SV2B: variants seen among roughly 807,000 people sequenced by gnomAD.
SV2B encodes the protein synaptic vesicle glycoprotein 2B.
A neutral mutation model predicts 73.9 loss-of-function variants in SV2B; 41 were observed. The ratio of observed to expected loss-of-function variants is 0.56; its 90% confidence interval spans 0.43 to 0.72. The LOEUF (loss-of-function observed/expected upper bound fraction) is 0.72, where lower values mean the gene tolerates loss of function less well. SV2B is among the 30% of genes least tolerant of loss of function. The pLI is 0.00. For missense variants in SV2B, 764 were observed against 857.8 expected, an observed-to-expected ratio of 0.89 and a Z score of 1.37; for synonymous variants, 314 against 314.2, an observed-to-expected ratio of 1.00 and a Z score of 0.01.
rs1373398242 is a variant in SV2B at position 91,298,796 on chromosome 15, C to A, written c.*6244C>A. ...TCCTCTACCAAAGTTAATGTGGTCA[C>A]CACATTTGATGATTTTGCTAGGTAG... On this transcript the variant is annotated 3_prime_UTR_variant, in exon 13 of 13. Transcript: ENST00000394232. This position sits in a 1 kb window ranked among gnomAD's most constrained non-coding sequence, Gnocchi z 5.4. 6.6e-6 allele frequency: 1 copy of A among 152,150 alleles called. No homozygotes were observed. The highest frequency in any genetic ancestry group is 1.5e-5 in the Non-Finnish European group (1 of 68,038). 9.4% of individuals were successfully genotyped at this position (152,150 alleles called of 1,614,324 possible).
chr15:91,245,030 AAAG>A lies in SV2B; in HGVS notation c.452-6785_452-6783del, dbSNP rs2047168675. ...ATTTGTCTTTGGTTAATTGCTAAATAAAGAAGCTCACCCAGTCAGGGCCTCTTC... is the reference window on the plus strand; with the variant it reads ...ATTTGTCTTTGGTTAATTGCTAAATAAAGCTCACCCAGTCAGGGCCTCTTC... On this transcript the variant is annotated intron_variant, in intron 2 of 12. Transcript: ENST00000394232. This position sits in a 1 kb window ranked among gnomAD's most constrained non-coding sequence, Gnocchi z 4.2. 6.6e-6 allele frequency among the ~76,000 whole-genome samples: 1 copy of A among 152,264 alleles called. No individual in the cohort carries two copies.
chr15:91,127,851 A>G (rs989855045), intron 1 of SV2B, among the ~76,000 whole-genome samples: 43 of 152,156 alleles, frequency 2.8e-4, no homozygotes, highest in African/African-American at 1.0e-3. Flanking sequence ...TTTCTGTGCT[A>G]ATTTTGCAAA....
intron 4 of SV2B, among the ~76,000 whole-genome samples, chr15:91,257,991 C>T (rs903291957): frequency 1.3e-5 from 2 of 152,198 alleles, no homozygotes; most frequent in African/African-American, 2.4e-5. Flanking sequence ...TGGGCCTGGA[C>T]TTCTAGCTTG....
rs773811088 is a variant in SV2B, at chr15:91,113,792, T to C, written c.-392+13429T>C. Among the ~76,000 whole-genome samples the C allele has an allele frequency of 2.0e-5, 3 of 152,210 alleles. No homozygotes were observed. In the East Asian group the frequency reaches 5.8e-4, roughly 29 times the overall value. On this transcript the variant is annotated intron_variant, in intron 1 of 12. Transcript: ENST00000394232. Reference sequence around the variant, plus strand: ...TTGCATAGCCTCAGACAAGTTTAACTTCACAGAGCCTCAATTTCCTGATCT... The same window carrying C: ...TTGCATAGCCTCAGACAAGTTTAACCTCACAGAGCCTCAATTTCCTGATCT...
At position 91,288,089 on chromosome 15, in the gene SV2B, C is replaced by A. The variant is rs2048922630; in HGVS notation, c.1709-1432C>A. Among the ~76,000 whole-genome samples, 1 of 152,024 alleles carries A rather than the reference C, an allele frequency of 6.6e-6. No individual in the cohort carries two copies. The highest frequency in any genetic ancestry group is 2.1e-4 in the South Asian group (1 of 4,814). On this transcript the variant is annotated intron_variant, in intron 11 of 12. Transcript: ENST00000394232. This position sits in a 1 kb window ranked among gnomAD's most constrained non-coding sequence, Gnocchi z 5.8. ...GCGTGTAGAGGGTATGTACAGAGCACATGTACAGAGGATAGCGCAGGGCTG... is the reference window on the plus strand; with the variant it reads ...GCGTGTAGAGGGTATGTACAGAGCAAATGTACAGAGGATAGCGCAGGGCTG...
intron 1 of SV2B, among the ~76,000 whole-genome samples, chr15:91,191,186 C>A (rs973380217): frequency 1.3e-5 from 2 of 150,652 alleles, no homozygotes; most frequent in Non-Finnish European, 2.9e-5. Flanking sequence ...CTGTCTCAGC[C>A]TCCTGAGTAG....
intron 2 of SV2B, among the ~76,000 whole-genome samples, chr15:91,248,918 G>T (rs951949032): frequency 6.6e-6 from 1 of 152,158 alleles, no homozygotes; most frequent in African/African-American, 2.4e-5. Flanking sequence ...GGTGTGGGGT[G>T]TGGAGACTAG....
Position 91,299,904 on chromosome 15 carries a change from C to G in SV2B, c.*7352C>G, listed in dbSNP as rs2049385308. ...AAGTGATCTGCCCGCCTCAGCCTCC[C>G]AAAGTGCTGGGATTACAAATGTGAG... On this transcript the variant is annotated 3_prime_UTR_variant, in exon 13 of 13. Coordinates refer to ENST00000394232, the MANE Select transcript of SV2B (RefSeq NM_001323032.3). The G allele has an allele frequency of 6.6e-6, 1 of 152,208 alleles. No homozygotes were observed. Among genetic ancestry groups the G allele is most frequent in the Non-Finnish European group, 1.5e-5 (1 of 68,044 alleles). The allele number at this position is 152,208 out of a possible 1,614,324, so 9.4% of individuals were successfully genotyped here.
At chr15:91,182,869 C>T (rs1461154986) in intron 1 of SV2B, among the ~76,000 whole-genome samples, 1 of 152,202 alleles carries the variant, frequency 6.6e-6, no homozygotes, top group Non-Finnish European at 1.5e-5. Flanking sequence ...GATGTACACA[C>T]AACTGCCAAG....
chr15:91,169,284 T>G lies in SV2B; in HGVS notation c.-391-56589T>G, dbSNP rs913282567. ...TGCAAAAGTTCCAGGCTTAGGCTTG[T>G]GCAATAATGTCTTCTTTAAGAACCT... On this transcript the variant is annotated intron_variant, in intron 1 of 12. Transcript: ENST00000394232. 1.1e-4 allele frequency among the ~76,000 whole-genome samples: 16 copies of G among 152,246 alleles called. No individual in the cohort carries two copies. The East Asian group carries it at 3.1e-3, about 29-fold the overall frequency.
rs2049082559 is a variant in SV2B, at chr15:91,292,592, C to T, written c.*40C>T. ...AAGGAAAGGTCGAGAGAATCTTGTC[C>T]AGGACACTGAAATGCATCCACACTT... On this transcript the variant is annotated 3_prime_UTR_variant, in exon 13 of 13. Transcript: ENST00000394232. 1 of 1,586,858 alleles carries T rather than the reference C, an allele frequency of 6.3e-7. No individual in the cohort carries two copies. The highest frequency in any genetic ancestry group is 8.6e-7 in the Non-Finnish European group (1 of 1,167,314).
chr15:91,284,341 T>G lies in SV2B; in HGVS notation c.1708+120T>G. 1.8e-6 allele frequency: 2 copies of G among 1,121,886 alleles called. No homozygotes were observed. Among genetic ancestry groups the G allele is most frequent in the Non-Finnish European group, 2.5e-6 (2 of 789,708 alleles). The allele number at this position is 1,121,886 out of a possible 1,614,324, so 69.5% of individuals were successfully genotyped here. ...ATTCTTGCACAACAAACCCAACAAG[T>G]AAGATTGCACCCAGGGCTATAGAGC... On this transcript the variant is annotated intron_variant, in intron 11 of 12. Coordinates refer to ENST00000394232, the MANE Select transcript of SV2B (RefSeq NM_001323032.3). The surrounding 1 kb of genome is among the most constrained non-coding windows in gnomAD (Gnocchi z 4.5).
Position 91,281,597 on chromosome 15 carries a change from TG to T in SV2B, c.1374-128del. ...ACAGCTAAGAAGTGGGGAAGTGGTC[TG>T]GGTTGAAAATAATGCTCTGGCACCT... On this transcript the variant is annotated intron_variant, in intron 9 of 12. Transcript: ENST00000394232. This position sits in a 1 kb window ranked among gnomAD's most constrained non-coding sequence, Gnocchi z 4.7. The T allele has an allele frequency of 9.4e-7, 1 of 1,061,924 alleles. No homozygotes were observed. The highest frequency in any genetic ancestry group is 1.3e-6 in the Non-Finnish European group (1 of 751,434). 65.8% of individuals were successfully genotyped at this position (1,061,924 alleles called of 1,614,324 possible).
chr15:91,187,247 T>A (rs1231449892), intron 1 of SV2B, among the ~76,000 whole-genome samples: 1 of 152,256 alleles, frequency 6.6e-6, no homozygotes, highest in Non-Finnish European at 1.5e-5. Flanking sequence ...TCTCCATATT[T>A]GCAAGTGGAT....
In SV2B at chr15:91,284,094, C is replaced by T; in HGVS notation, c.1581C>T (p.His527=). 1 of 1,614,186 alleles carries T rather than the reference C, an allele frequency of 6.2e-7. No individual in the cohort carries two copies. The part of the protein sequence containing the change: ...STFLEQKEGC[H]MDLEQDNDFL... Reference sequence around the variant, plus strand: ...TCCTGGAGCAGAAGGAGGGCTGCCACATGGACTTGGAGCAAGATAATGACT... The same window carrying T: ...TCCTGGAGCAGAAGGAGGGCTGCCATATGGACTTGGAGCAAGATAATGACT... Residue 527 remains histidine, a synonymous_variant, in exon 11 of 13, where the codon CAC becomes CAT. Transcript: ENST00000394232. The surrounding 1 kb of genome is among the most constrained non-coding windows in gnomAD (Gnocchi z 4.5).
intron 4 of SV2B, among the ~76,000 whole-genome samples, chr15:91,255,378 C>G (rs144077317): frequency 6.6e-6 from 1 of 152,232 alleles, no homozygotes; most frequent in East Asian, 1.9e-4. Context: ...GAATGGAAAA[C>G]TAAACATCGT....
chr15:91,205,046 G>T (rs1357042601), intron 1 of SV2B, among the ~76,000 whole-genome samples: 1 of 152,180 alleles, frequency 6.6e-6, no homozygotes, highest in Non-Finnish European at 1.5e-5. Context: ...ATAAGCATGT[G>T]TTAAAAGATT....
At position 91,265,992 on chromosome 15, in the gene SV2B, A is replaced by T. The variant is rs1441254189; in HGVS notation, c.1009-590A>T. On this transcript the variant is annotated intron_variant, in intron 6 of 12. Transcript: ENST00000394232. This position sits in a 1 kb window ranked among gnomAD's most constrained non-coding sequence, Gnocchi z 4.2. ...CCTGTCTCTATTAAAAAATACAAAA[A>T]ATTAGCTGGGTGTGGTGGTGCAGGC... is the stretch of plus-strand genomic sequence containing the variant. 3.9e-5 allele frequency among the ~76,000 whole-genome samples: 6 copies of T among 152,206 alleles called. No homozygotes were observed. The highest frequency in any genetic ancestry group is 2.1e-4 in the South Asian group (1 of 4,822).
chr15:91,218,984 G>A (rs1320304927), intron 1 of SV2B, among the ~76,000 whole-genome samples: 1 of 151,942 alleles, frequency 6.6e-6, no homozygotes, highest in East Asian at 1.9e-4. Context: ...TGTCACCCAG[G>A]CTGGAGTGCA....
Sources: allele counts gnomAD v4.1 joint callset (sites outside exome capture counted in the v4.1 genomes callset), GRCh38; gene constraint gnomAD v4.1.1; non-coding constraint Gnocchi (gnomAD v3.1); transcripts MANE v1.5; gene names NCBI Gene and HGNC (gene_info 2026-07-23, HGNC 2026-07-21).